The following MAD1L1 variants were observed in gnomAD, a reference collection of about 807,000 sequenced individuals.
The protein encoded by MAD1L1 is mitotic arrest deficient 1 like 1.
Under a neutral mutation model 96.9 loss-of-function variants are expected in MAD1L1, and 95 were observed. That is an observed-to-expected ratio of 0.98 (90% confidence interval 0.83 to 1.16). The LOEUF is 1.16. Ranked by LOEUF, MAD1L1 falls within the 50% of genes most tolerant of loss-of-function variation. The pLI is 0.00. For synonymous variants in MAD1L1, 473 were observed against 396.6 expected (o/e 1.19, Z -2.29); for missense variants, 1,007 against 954.4 (o/e 1.06, Z -0.73).
At chr7:1,944,187 C>A (rs1489405223) in intron 16 of MAD1L1, among the ~76,000 whole-genome samples, 1 of 152,144 alleles carries the variant, frequency 6.6e-6, no homozygotes, top group Non-Finnish European at 1.5e-5. Flanking sequence ...CACGCAGTAG[C>A]CGACTGGTGG....
Position 1,898,181 on chromosome 7 carries a change from C to G in MAD1L1, c.1998+19G>C. ...ACAGAGAGCGAGACAGCCGGAGAGC[C>G]GTCACACGCAGGACCCACCTTGAAG... On this transcript the variant is annotated intron_variant, in intron 18 of 18. Coordinates refer to ENST00000265854, the MANE Select transcript of MAD1L1 (RefSeq NM_001013836.2). 1 of 1,587,850 alleles carries G rather than the reference C, an allele frequency of 6.3e-7. No individual in the cohort carries two copies. The highest frequency in any genetic ancestry group is 8.6e-7 in the Non-Finnish European group (1 of 1,166,702).
intron 12 of MAD1L1, among the ~76,000 whole-genome samples, chr7:2,024,282 G>A (rs965018982): frequency 5.9e-5 from 9 of 152,082 alleles, no homozygotes; most frequent in Non-Finnish European, 7.4e-5. Flanking sequence ...TGAAAGACAC[G>A]AACCACCAAA....
At chr7:1,986,358 AGTCCAGCTTGGAACCACACG>A (rs1781141125) in intron 14 of MAD1L1, among the ~76,000 whole-genome samples, 1 of 151,578 alleles carries the variant, frequency 6.6e-6, no homozygotes. Flanking sequence ...ACCACACGCC[AGTCCAGCTTGGAACCACACG>A]CCAGTCCAGG....
Position 2,177,334 on chromosome 7 carries a change from A to G in MAD1L1, c.987-28096T>C, listed in dbSNP as rs79426398. ...GCATTCATGTACAGCAGATGTATTC[A>G]TGAGGTTTTATGAAATTAAAAATGG... On this transcript the variant is annotated intron_variant, in intron 10 of 18. Transcript: ENST00000265854. Among the ~76,000 whole-genome samples the G allele has an allele frequency of 1.0e-2, 1,521 of 152,332 alleles. 25 individuals carry two copies. The highest frequency in any genetic ancestry group is 0.034 in the African/African-American group (1,426 of 41,566).
chr7:2,043,090 C>T (rs780996442), intron 12 of MAD1L1, among the ~76,000 whole-genome samples: 4 of 152,166 alleles, frequency 2.6e-5, no homozygotes, highest in African/African-American at 4.8e-5. Flanking sequence ...ATTGCTTATG[C>T]GAAGATATTT....
chr7:2,225,579 G>A lies in MAD1L1; in HGVS notation c.151-29C>T, dbSNP rs773667691. On this transcript the variant is annotated intron_variant, in intron 3 of 18. Transcript: ENST00000265854. ...AGCAGGTCGCACCCAAAGAAAAACA[G>A]AATCCTCAGTGACGGCATCAAACCA... 7.5e-6 allele frequency: 12 copies of A among 1,609,314 alleles called. No homozygotes were observed. In the South Asian group the frequency reaches 9.9e-5, roughly 13 times the overall value.
intron 10 of MAD1L1, among the ~76,000 whole-genome samples, chr7:2,166,705 C>A (rs1790445569): frequency 6.6e-6 from 1 of 152,242 alleles, no homozygotes; most frequent in African/African-American, 2.4e-5. Flanking sequence ...CGTGGCCCGG[C>A]CGGCCTGAGG....
intron 17 of MAD1L1, among the ~76,000 whole-genome samples, chr7:1,931,133 T>C (rs11982273): frequency 0.027 from 2,435 of 91,512 alleles, 25 homozygotes; most frequent in South Asian, 0.04. Context: ...CTGCTGATGC[T>C]GTGGGAACAC....
intron 11 of MAD1L1, among the ~76,000 whole-genome samples, chr7:2,104,540 G>A (rs1786987701): frequency 6.6e-6 from 1 of 152,244 alleles, no homozygotes. Flanking sequence ...GCTCAAATGA[G>A]AAGGAATGAA....
intron 10 of MAD1L1, among the ~76,000 whole-genome samples, chr7:2,150,494 C>T (rs1789520074): frequency 6.6e-6 from 1 of 152,220 alleles, no homozygotes; most frequent in South Asian, 2.1e-4. Context: ...CAGCCCCTCC[C>T]CCGGTCTTCC....
chr7:2,134,775 G>C (rs1788676169), intron 11 of MAD1L1, among the ~76,000 whole-genome samples: 1 of 152,182 alleles, frequency 6.6e-6, no homozygotes, highest in Admixed American at 6.5e-5. Flanking sequence ...AGCAACTTGT[G>C]GCTGCCCAAG....
intron 11 of MAD1L1, among the ~76,000 whole-genome samples, chr7:2,134,607 G>A (rs76007632): frequency 0.019 from 2,868 of 152,316 alleles, 44 homozygotes; most frequent in Non-Finnish European, 0.028. Flanking sequence ...TAGTTGACAA[G>A]TAATAAGAAA....
intron 5 of MAD1L1, 21 bp from the exon 6 acceptor site, chr7:2,219,477 A>G: frequency 6.2e-7 from 1 of 1,610,920 alleles, no homozygotes; most frequent in Non-Finnish European, 8.5e-7. Context: ...AGGGGACCAG[A>G]GAGCCGCTCA....
chr7:1,841,823 G>T (rs570666142), intron 18 of MAD1L1, among the ~76,000 whole-genome samples: 1 of 152,222 alleles, frequency 6.6e-6, no homozygotes, highest in Non-Finnish European at 1.5e-5. Flanking sequence ...CCTTCTGGGC[G>T]GGTGCCTCGC....
intron 18 of MAD1L1, among the ~76,000 whole-genome samples, chr7:1,868,684 G>A (rs1012139334): frequency 1.3e-5 from 2 of 152,360 alleles, no homozygotes; most frequent in Non-Finnish European, 1.5e-5. Context: ...GACACGCACT[G>A]CGTGTTCACA....
At chr7:2,192,694 CTCCCT>C (rs1157480598) in intron 10 of MAD1L1, among the ~76,000 whole-genome samples, 1 of 152,136 alleles carries the variant, frequency 6.6e-6, no homozygotes, top group Non-Finnish European at 1.5e-5. Flanking sequence ...TTCTCCCCAC[CTCCCT>C]CATGCTCCTA....
At chr7:2,198,336 C>G (rs1453778965) in intron 10 of MAD1L1, among the ~76,000 whole-genome samples, 1 of 152,194 alleles carries the variant, frequency 6.6e-6, no homozygotes, top group Non-Finnish European at 1.5e-5. Flanking sequence ...CTGCTCTCAT[C>G]TCCCAAGAGC....
Position 2,137,879 on chromosome 7 carries a change from G to A in MAD1L1, c.1073+11273C>T, listed in dbSNP as rs77106590. The stretch of plus-strand genomic sequence containing the variant: ...GTATGGGGCAACTACACGAGGACAC[G>A]ATACCGGCCATGATGGCAGCTGCTG... On this transcript the variant is annotated intron_variant, in intron 11 of 18. Coordinates refer to ENST00000265854, the MANE Select transcript of MAD1L1 (RefSeq NM_001013836.2). 5.2e-3 allele frequency among the ~76,000 whole-genome samples: 797 copies of A among 152,350 alleles called. 6 individuals are homozygous for A. Among genetic ancestry groups the A allele is most frequent in the Non-Finnish European group, 8.4e-3 (574 of 68,038 alleles).
intron 12 of MAD1L1, among the ~76,000 whole-genome samples, chr7:2,060,531 A>T (rs994976700): frequency 6.6e-6 from 1 of 152,200 alleles, no homozygotes; most frequent in Non-Finnish European, 1.5e-5. Context: ...AGATACGCTA[A>T]TGCCAAGATA....
Sources: allele counts gnomAD v4.1 joint callset (sites outside exome capture counted in the v4.1 genomes callset), GRCh38; gene constraint gnomAD v4.1.1; transcripts MANE v1.5; gene names NCBI Gene and HGNC (gene_info 2026-07-23, HGNC 2026-07-21).